MXD3: variants seen among roughly 807,000 people sequenced by gnomAD.
MXD3 encodes the protein MAX dimerization protein 3.
Under a neutral mutation model 27.5 loss-of-function variants are expected in MXD3, and 20 were observed. That is an observed-to-expected ratio of 0.73 (90% CI 0.51 to 1.06). The LOEUF (loss-of-function observed/expected upper bound fraction) is 1.06. Ranked by LOEUF, MXD3 falls within the 50% of genes least tolerant of loss-of-function variation. The pLI is 0.00. For missense variants in MXD3, 298 were observed against 291.3 expected (o/e 1.02, Z -0.17); for synonymous variants, 150 against 130.7 (o/e 1.15, Z -1.01).
rs1309184574 is a variant in MXD3 at position 177,307,492 on chromosome 5, T to C, written c.*96A>G. Reference sequence around the variant, plus strand: ...GGTCCTTTTAGTCCATTCCAACAGGTGACTCCGAGCAGCCCTGAAGGCTTG... The same window carrying C: ...GGTCCTTTTAGTCCATTCCAACAGGCGACTCCGAGCAGCCCTGAAGGCTTG... On this transcript the variant is annotated 3_prime_UTR_variant, in exon 6 of 6. Transcript: ENST00000439742. 3 of 1,547,824 alleles carry C rather than the reference T, an allele frequency of 1.9e-6. No homozygotes were observed. Among genetic ancestry groups the C allele is most frequent in the African/African-American group, 2.7e-5 (2 of 73,194 alleles).
chr5:177,308,669 G>A (rs144890903), intron 4 of MXD3, among the ~76,000 whole-genome samples: 41 of 152,234 alleles, frequency 2.7e-4, no homozygotes, highest in African/African-American at 7.9e-4. Flanking sequence ...CACCGCGCCC[G>A]GCCCCCCATT....
chr5:177,312,011 C>T (rs908619781), upstream of MXD3: 2 of 1,274,906 alleles, frequency 1.6e-6, no homozygotes, highest in African/African-American at 1.6e-5. Context: ...CGCCACGGAG[C>T]CGCAGCCCAC....
rs748190387 is a variant in MXD3 at position 177,310,536 on chromosome 5, C to A, written c.211G>T (p.Ala71Ser). ...VHNELEKRRR[A>S]QLKRCLERLK... Reference sequence around the variant, plus strand: ...CGCTCCAGGCACCGCTTCAACTGGGCCCTCCTGTGGGGAAGAGGTCTGGAG... The same window carrying A: ...CGCTCCAGGCACCGCTTCAACTGGGACCTCCTGTGGGGAAGAGGTCTGGAG... Residue 71 changes from alanine (A) to serine (S), a missense_variant, in exon 4 of 6, where the codon GCC becomes TCC. Ala to Ser is a moderately conservative substitution (Grantham distance 99). Transcript: ENST00000439742. 9 of 1,611,032 alleles carry A rather than the reference C, an allele frequency of 5.6e-6. No individual in the cohort carries two copies. The highest frequency in any genetic ancestry group is 5.9e-6 in the Non-Finnish European group (7 of 1,178,578).
At position 177,307,775 on chromosome 5, in the gene MXD3, A is replaced by G. The variant is rs1760924231; in HGVS notation, c.505+6T>C. ...CCACACAACCCCTCAGCCTCGGGGC[A>G]CTCACCTTGGTCTGAGTCTGAGCGC... On this transcript the variant is annotated splice_donor_region_variant and intron_variant, in intron 5 of 5. Transcript: ENST00000439742. 2.5e-6 allele frequency: 4 copies of G among 1,612,844 alleles called. No individual in the cohort carries two copies. The highest frequency in any genetic ancestry group is 3.4e-6 in the Non-Finnish European group (4 of 1,179,728).
At chr5:177,312,699 G>C, upstream of MXD3, 1 of 985,368 alleles carries the variant, frequency 1.0e-6, no homozygotes, top group African/African-American at 1.7e-5. Flanking sequence ...GAAAACGTCA[G>C]TGGGGTAACA....
chr5:177,310,464 T>A lies in MXD3; in HGVS notation c.283A>T (p.Thr95Ser), dbSNP rs1273273197. 6.2e-7 allele frequency: 1 copy of A among 1,613,236 alleles called. No individual in the cohort carries two copies. The highest frequency in any genetic ancestry group is 1.1e-5 in the South Asian group (1 of 90,996). ...PLGADCARYT[T>S]LSLLRRARMH... is the part of the protein sequence containing the mutation. ...CTGGCACGGCGCAGCAGGCTCAGCG[T>A]GGTGTACCGGGCACAGTCGGCCCCC... Residue 95 changes from threonine (T) to serine (S), a missense_variant, in exon 4 of 6, where the codon ACG becomes TCG. Coordinates refer to ENST00000439742, the MANE Select transcript of MXD3 (RefSeq NM_031300.4).
At chr5:177,310,102 C>T (rs1156432750) in intron 4 of MXD3, among the ~76,000 whole-genome samples, 1 of 152,198 alleles carries the variant, frequency 6.6e-6, no homozygotes, top group African/African-American at 2.4e-5. Context: ...CATCCCCTCC[C>T]CTCAAACAGG....
At chr5:177,307,124 G>A (rs1760898578), downstream of MXD3, 2 of 1,521,284 alleles carry the variant, frequency 1.3e-6, no homozygotes, top group Non-Finnish European at 1.8e-6. Context: ...CAGTGTCAGT[G>A]ATGGGAACTG....
intron 2 of MXD3, chr5:177,311,063 G>GAGAGGAGAGA: frequency 1.8e-6 from 1 of 545,632 alleles, no homozygotes; most frequent in Non-Finnish European, 3.2e-6. Flanking sequence ...AAGGGCTGGG[G>GAGAGGAGAGA]AGAGGAGAGA....
At chr5:177,306,225 G>A (rs1255267434), downstream of MXD3, 6 of 1,588,742 alleles carry the variant, frequency 3.8e-6, no homozygotes, top group South Asian at 1.1e-5. Flanking sequence ...GGCTCATTCA[G>A]CCTAGCGGGC....
chr5:177,310,636 G>T, intron 3 of MXD3, 32 bp downstream of exon 3: 4 of 1,614,184 alleles, frequency 2.5e-6, no homozygotes, highest in Non-Finnish European at 3.4e-6. Context: ...GCCCCTGGGG[G>T]CTGGCGCTGT....
Position 177,307,917 on chromosome 5 carries a change from C to T in MXD3, c.369G>A (p.Leu123=), listed in dbSNP as rs1371001456. The T allele has an allele frequency of 2.5e-6, 4 of 1,595,100 alleles. No homozygotes were observed. The highest frequency in any genetic ancestry group is 3.4e-5 in the Admixed American group (2 of 58,022). Reference sequence around the variant, plus strand: ...GCTGCAGGCTCTGCTGCTTGCTGCGCAGCCTCTCCTTGAGCTGTCGGGCCC... The same window carrying T: ...GCTGCAGGCTCTGCTGCTTGCTGCGTAGCCTCTCCTTGAGCTGTCGGGCCC... ...EQRARQLKER[L]RSKQQSLQRQ... The change falls in exon 5 of 6, where the codon CTG becomes CTA. Residue 123 remains leucine, a synonymous_variant. Coordinates refer to ENST00000439742, the MANE Select transcript of MXD3 (RefSeq NM_031300.4).
intron 4 of MXD3, 172 bp from the exon 5 acceptor site, chr5:177,308,136 C>A: frequency 1.6e-6 from 1 of 624,898 alleles, no homozygotes; most frequent in Non-Finnish European, 2.7e-6. Context: ...AAAGCCAGCC[C>A]CTTTCCGGCC....
intron 5 of MXD3, 29 bp downstream of exon 5, chr5:177,307,750 CCA>C (rs1202434506): frequency 1.2e-6 from 2 of 1,613,082 alleles, no homozygotes; most frequent in Non-Finnish European, 1.7e-6. Flanking sequence ...GCCCCGAGGG[CCA>C]CACAACCCCT....
At chr5:177,310,607 G>T in intron 3 of MXD3, 61 bp downstream of exon 3, 1 of 1,613,334 alleles carries the variant, frequency 6.2e-7, no homozygotes, top group Non-Finnish European at 8.5e-7. Context: ...GGCAGGGGAG[G>T]GAAGGCCAGA....
chr5:177,306,849 T>C, downstream of MXD3: 1 of 730,582 alleles, frequency 1.4e-6, no homozygotes, highest in South Asian at 2.0e-5. Flanking sequence ...CGGTAAGTGC[T>C]AGACTGTAAG....
Position 177,307,874 on chromosome 5 carries a change from G to C in MXD3, c.412C>G (p.Arg138Gly). 1 of 1,608,128 alleles carries C rather than the reference G, an allele frequency of 6.2e-7. No homozygotes were observed. Among genetic ancestry groups the C allele is most frequent in the Non-Finnish European group, 8.5e-7 (1 of 1,177,970 alleles). Residue 138 changes from arginine to glycine, a missense_variant, in exon 5 of 6, where the codon CGG becomes GGG. Coordinates refer to ENST00000439742, the MANE Select transcript of MXD3 (RefSeq NM_031300.4). ...CGCTCGGCCGCCCCTGCCAGCCCCC[G>C]GAGCTGCTCCAGCTGCCGCTGCAGG... ...QSLQRQLEQL[R>G]GLAGAAERER...
chr5:177,307,665 C>T lies in MXD3; in HGVS notation c.544G>A (p.Gly182Ser). ...EVDVESLVFG[G>S]EAELLRGFVA... ...AAGCCCCGCAGCAGCTCGGCCTCAC[C>T]CCCAAACACCAGGCTCTCCACATCC... The change falls in exon 6 of 6, where the codon GGT becomes AGT. Residue 182 changes from glycine (G) to serine (S), a missense_variant. By Grantham distance (56) the Gly-to-Ser change is moderately conservative. Transcript: ENST00000439742. 1 of 1,613,656 alleles carries T rather than the reference C, an allele frequency of 6.2e-7. No individual in the cohort carries two copies. Among genetic ancestry groups the T allele is most frequent in the Non-Finnish European group, 8.5e-7 (1 of 1,179,936 alleles).
intron 4 of MXD3, 42 bp downstream of exon 4, chr5:177,310,384 T>C: frequency 6.6e-7 from 1 of 1,525,916 alleles, no homozygotes; most frequent in Non-Finnish European, 9.0e-7. Context: ...CAGCCCTCCA[T>C]ACACCAGGGC....
Sources: gnomAD v4.1 joint callset for allele counts (sites outside exome capture counted in the v4.1 genomes callset) on GRCh38, gnomAD v4.1.1 for gene constraint, MANE v1.5 for transcripts, NCBI Gene and HGNC (gene_info 2026-07-23, HGNC 2026-07-21) for gene names.